ZNF775: variants seen among roughly 807,000 people sequenced by gnomAD.
ZNF775 encodes the protein zinc finger protein 775.
Under a neutral mutation model 2.4 loss-of-function variants are expected in ZNF775, and 1 was observed. The observed-to-expected ratio is 0.41, with a 90% CI of 0.15 to 1.94. The LOEUF (loss-of-function observed/expected upper bound fraction) is 1.94. ZNF775 is among the 30% of genes most tolerant of loss of function. The pLI is 0.30. For missense variants in ZNF775, 823 were observed against 826.6 expected (o/e 1.00, Z 0.05); for synonymous variants, 381 against 373.3 (o/e 1.02, Z -0.24).
chr7:150,380,515 A>G (rs931490971), intron 1 of ZNF775, among the ~76,000 whole-genome samples: 2 of 152,112 alleles, frequency 1.3e-5, no homozygotes, highest in Admixed American at 1.3e-4. Flanking sequence ...GGTCAAAGCG[A>G]TCCCTAATCT....
In ZNF775 at chr7:150,397,888, G is replaced by A. The variant is rs1395108554; in HGVS notation, c.1407G>A (p.Thr469=). 1.0e-5 allele frequency: 16 copies of A among 1,602,186 alleles called. No homozygotes were observed. Among genetic ancestry groups the A allele is most frequent in the Non-Finnish European group, 1.3e-5 (15 of 1,178,226 alleles). ...SALTIHQRIH[T]GERPYPCPEC... ...TCACCATCCACCAGCGCATCCACAC[G>A]GGTGAGCGGCCCTACCCGTGCCCCG... The change falls in exon 3 of 3, where the codon ACG becomes ACA. Residue 469 remains threonine (T), a synonymous_variant. Transcript: ENST00000329630.
At position 150,396,656 on chromosome 7, in the gene ZNF775, C is replaced by A. The variant is rs1241882894; in HGVS notation, c.175C>A (p.Arg59=). 2 of 1,611,004 alleles carry A rather than the reference C, an allele frequency of 1.2e-6. No individual in the cohort carries two copies. Among genetic ancestry groups the A allele is most frequent in the Non-Finnish European group, 8.5e-7 (1 of 1,179,444 alleles). The change falls in exon 3 of 3, where the codon CGG becomes AGG. Residue 59 remains arginine, a synonymous_variant. Transcript: ENST00000329630. ...CCTCCCGCCACGCCAGACCATGGGG[C>A]GGCCTCGAGCCCTGGGGGGACAGGA... ...RGLPPRQTMG[R]PRALGGQEES...
chr7:150,397,030 G>A lies in ZNF775; in HGVS notation c.549G>A (p.Lys183=), dbSNP rs1259753641. ...SQKQHLLKHQ[K]THSRPATHSC... ...AGCAGCACCTGCTCAAGCACCAGAA[G>A]ACCCACTCCCGGCCCGCCACCCACT... The change falls in exon 3 of 3, where the codon AAG becomes AAA. Residue 183 remains lysine, a synonymous_variant. Coordinates refer to ENST00000329630, the MANE Select transcript of ZNF775 (RefSeq NM_173680.4). The A allele has an allele frequency of 3.1e-6, 5 of 1,595,926 alleles. No individual in the cohort carries two copies. Among genetic ancestry groups the A allele is most frequent in the Admixed American group, 3.4e-5 (2 of 59,542 alleles).
rs1267493491 is a variant in ZNF775, at chr7:150,388,598, C to G, written c.31+97C>G. 2.9e-6 allele frequency: 4 copies of G among 1,363,464 alleles called. No homozygotes were observed. In the East Asian group the frequency reaches 1.0e-4, roughly 34 times the overall value. 84.5% of individuals were successfully genotyped at this position (1,363,464 alleles called of 1,614,324 possible). ...AAAGCCAGGCGCGAGCCAGTGCCCT[C>G]AGCCAGTAGCTAGTACATCCCACTG... On this transcript the variant is annotated intron_variant, in intron 2 of 2. Coordinates refer to ENST00000329630, the MANE Select transcript of ZNF775 (RefSeq NM_173680.4).
At chr7:150,388,614 C>A (rs1800499591) in intron 2 of ZNF775, 113 bp downstream of exon 2, 10 of 1,181,804 alleles carry the variant, frequency 8.5e-6, no homozygotes, top group Non-Finnish European at 1.2e-5. Context: ...GTAGCTAGTA[C>A]ATCCCACTGA....
chr7:150,397,981 G>A lies in ZNF775; in HGVS notation c.1500G>A (p.Arg500=), dbSNP rs769071582. Reference sequence around the variant, plus strand: ...ACCGGCGCAACCACACAGGCGAGCGGCCCTACCTGTGTCCCGCCTGCGGCC... The same window carrying A: ...ACCGGCGCAACCACACAGGCGAGCGACCCTACCTGTGTCCCGCCTGCGGCC... ...TRHRRNHTGE[R]PYLCPACGRG... Residue 500 remains arginine, a synonymous_variant, in exon 3 of 3, where the codon CGG becomes CGA. Transcript: ENST00000329630. 6.3e-7 allele frequency: 1 copy of A among 1,596,684 alleles called. No individual in the cohort carries two copies. Among genetic ancestry groups the A allele is most frequent in the African/African-American group, 1.3e-5 (1 of 74,634 alleles).
In ZNF775 at chr7:150,397,038, C is replaced by T; in HGVS notation, c.557C>T (p.Ser186Phe). The change falls in exon 3 of 3, where the codon TCC (serine) becomes TTC (phenylalanine). Residue 186 changes from serine to phenylalanine, a missense_variant. Transcript: ENST00000329630. ...QHLLKHQKTH[S>F]RPATHSCPEC... Reference sequence around the variant, plus strand: ...CTGCTCAAGCACCAGAAGACCCACTCCCGGCCCGCCACCCACTCGTGCCCC... The same window carrying T: ...CTGCTCAAGCACCAGAAGACCCACTTCCGGCCCGCCACCCACTCGTGCCCC... The T allele has an allele frequency of 6.3e-7, 1 of 1,597,228 alleles. No homozygotes were observed. The highest frequency in any genetic ancestry group is 8.5e-7 in the Non-Finnish European group (1 of 1,178,184).
intron 1 of ZNF775, among the ~76,000 whole-genome samples, chr7:150,380,417 T>C (rs1800340958): frequency 6.6e-6 from 1 of 152,130 alleles, no homozygotes; most frequent in Non-Finnish European, 1.5e-5. Context: ...TTGATGACAA[T>C]GATGATTCCA....
chr7:150,386,281 C>T (rs993629844), intron 1 of ZNF775, among the ~76,000 whole-genome samples: 1 of 152,024 alleles, frequency 6.6e-6, no homozygotes, highest in Non-Finnish European at 1.5e-5. Context: ...GGAGCATTTA[C>T]TGCAAAAATA....
At position 150,384,246 on chromosome 7, in the gene ZNF775, G is replaced by C. The variant is rs892994735; in HGVS notation, c.-49-4176G>C. Among the ~76,000 whole-genome samples, 2 of 152,216 alleles carry C rather than the reference G, an allele frequency of 1.3e-5. No individual in the cohort carries two copies. Among genetic ancestry groups the C allele is most frequent in the African/African-American group, 4.8e-5 (2 of 41,450 alleles). On this transcript the variant is annotated intron_variant, in intron 1 of 2. Transcript: ENST00000329630. The surrounding 1 kb of genome is among the most constrained non-coding windows in gnomAD (Gnocchi z 4.1). ...AGGAAAGGTGGTCCGGTAGGGGCCC[G>C]GGGGCCCTTGTGCGATAGACAAAGC...
chr7:150,383,472 G>C (rs1261623772), intron 1 of ZNF775, among the ~76,000 whole-genome samples: 4 of 152,238 alleles, frequency 2.6e-5, no homozygotes, highest in African/African-American at 9.6e-5. Context: ...GACTGGGTGA[G>C]GACATAGCAG....
At chr7:150,385,958 C>G in intron 1 of ZNF775, among the ~76,000 whole-genome samples, 1 of 133,636 alleles carries the variant, frequency 7.5e-6, no homozygotes, top group Non-Finnish European at 1.8e-5. Context: ...TGGCAGAAGG[C>G]TTATTTAGCT....
At chr7:150,387,960 GC>G (rs1231670079) in intron 1 of ZNF775, among the ~76,000 whole-genome samples, 2 of 152,210 alleles carry the variant, frequency 1.3e-5, no homozygotes, top group Non-Finnish European at 2.9e-5. Flanking sequence ...GAAAGAGGGG[GC>G]GGGTGACGGA....
At chr7:150,393,061 A>T (rs146876847) in intron 2 of ZNF775, among the ~76,000 whole-genome samples, 1 of 152,180 alleles carries the variant, frequency 6.6e-6, no homozygotes, top group Admixed American at 6.5e-5. Context: ...TGACAAAGGC[A>T]TAATGTCCCG....
At position 150,384,150 on chromosome 7, in the gene ZNF775, G is replaced by A. The variant is rs1244616680; in HGVS notation, c.-49-4272G>A. Among the ~76,000 whole-genome samples, 5 of 152,344 alleles carry A rather than the reference G, an allele frequency of 3.3e-5. No individual in the cohort carries two copies. The highest frequency in any genetic ancestry group is 3.9e-4 in the East Asian group (2 of 5,182). ...AGCCTGACCCGGTGCGCGGAGGGCCGGGCCAGGGCCAGGCGTGGGAAGGGG... is the reference window on the plus strand; with the variant it reads ...AGCCTGACCCGGTGCGCGGAGGGCCAGGCCAGGGCCAGGCGTGGGAAGGGG... On this transcript the variant is annotated intron_variant, in intron 1 of 2. Transcript: ENST00000329630. This position sits in a 1 kb window ranked among gnomAD's most constrained non-coding sequence, Gnocchi z 4.1.
intron 1 of ZNF775, among the ~76,000 whole-genome samples, chr7:150,381,005 CA>C (rs1350842069): frequency 2.0e-5 from 3 of 152,218 alleles, no homozygotes; most frequent in African/African-American, 7.2e-5. Flanking sequence ...GCAAGGGATG[CA>C]AACGTGTTTA....
Position 150,397,582 on chromosome 7 carries a change from C to T in ZNF775, c.1101C>T (p.Pro367=). Residue 367 remains proline, a synonymous_variant, in exon 3 of 3, where the codon CCC becomes CCT. Coordinates refer to ENST00000329630, the MANE Select transcript of ZNF775 (RefSeq NM_173680.4). ...RTHLPGAQAA[P]CPSCGKSCRS... is the part of the protein sequence containing the mutation. ...ACCTGCCCGGCGCCCAGGCTGCGCC[C>T]TGCCCCAGCTGCGGTAAGAGCTGCC... 2 of 1,477,786 alleles carry T rather than the reference C, an allele frequency of 1.4e-6. No individual in the cohort carries two copies. The highest frequency in any genetic ancestry group is 1.3e-5 in the South Asian group (1 of 79,360). 91.5% of individuals were successfully genotyped at this position (1,477,786 alleles called of 1,614,324 possible).
At chr7:150,387,263 CT>C (rs11321946) in intron 1 of ZNF775, among the ~76,000 whole-genome samples, 65,451 of 146,594 alleles carry the variant, frequency 0.45, 14,944 homozygotes, top group Admixed American at 0.5. Flanking sequence ...CCACTACACT[CT>C]CAGCCTGGGC....
intron 2 of ZNF775, among the ~76,000 whole-genome samples, chr7:150,396,294 CTTG>C (rs1470205747): frequency 5.3e-5 from 8 of 152,124 alleles, no homozygotes; most frequent in Non-Finnish European, 1.0e-4. Flanking sequence ...TTAACCTGCC[CTTG>C]TTGTCCTTTC....
Sources: gnomAD v4.1 joint callset for allele counts (sites outside exome capture counted in the v4.1 genomes callset) on GRCh38, gnomAD v4.1.1 for gene constraint, Gnocchi (gnomAD v3.1) non-coding constraint, MANE v1.5 for transcripts, NCBI Gene and HGNC (gene_info 2026-07-23, HGNC 2026-07-21) for gene names.